NTM: variants seen among roughly 807,000 people sequenced by gnomAD.
NTM encodes neurotrimin, also known as IgLON family member 2.
Under a neutral mutation model 42.1 loss-of-function variants are expected in NTM, and 13 were observed. That is an observed-to-expected ratio of 0.31 (90% confidence interval 0.20 to 0.49). NTM has a LOEUF of 0.49. Among genes scored for constraint, NTM ranks in the 20% least tolerant of loss-of-function variants. The probability of loss-of-function intolerance (pLI) is 0.99; values close to 1 mark genes in which losing one functional copy is unlikely to be tolerated. For missense variants in NTM, 373 were observed against 452.8 expected, an observed-to-expected ratio of 0.82 and a Z score of 1.60; for synonymous variants, 187 against 179.2, an observed-to-expected ratio of 1.04 and a Z score of -0.35.
At chr11:131,636,375 G>A (rs767661821) in intron 1 of NTM, among the ~76,000 whole-genome samples, 1 of 152,068 alleles carries the variant, frequency 6.6e-6, no homozygotes, top group Non-Finnish European at 1.5e-5. Context: ...CAAAATTCAA[G>A]GCTACTCAGG....
At chr11:132,070,057 G>A (rs1466295098) in intron 2 of NTM, among the ~76,000 whole-genome samples, 9 of 134,018 alleles carry the variant, frequency 6.7e-5, no homozygotes, top group African/African-American at 2.0e-4. Flanking sequence ...TAGTTAACAC[G>A]TCACACAGCC....
intron 1 of NTM, among the ~76,000 whole-genome samples, chr11:131,844,255 C>G (rs2044648773): frequency 6.6e-6 from 1 of 152,138 alleles, no homozygotes; most frequent in South Asian, 2.1e-4. Context: ...TTACAGGAAT[C>G]TGCAATGTTG....
chr11:132,272,821 A>T (rs1242806929), intron 4 of NTM, among the ~76,000 whole-genome samples: 1 of 151,986 alleles, frequency 6.6e-6, no homozygotes, highest in East Asian at 1.9e-4. Flanking sequence ...TTGTGAATAG[A>T]TTTACTTCCT....
intron 1 of NTM, among the ~76,000 whole-genome samples, chr11:131,824,880 T>C (rs2041946692): frequency 6.6e-6 from 1 of 152,174 alleles, no homozygotes; most frequent in African/African-American, 2.4e-5. Context: ...GAACTCTAGA[T>C]GCTGGAGGAC....
chr11:132,215,572 C>A, intron 4 of NTM, among the ~76,000 whole-genome samples: 1 of 152,172 alleles, frequency 6.6e-6, no homozygotes, highest in East Asian at 1.9e-4. Context: ...CCCTGTGTAG[C>A]ACTTTATATC....
intron 1 of NTM, among the ~76,000 whole-genome samples, chr11:131,838,783 A>T (rs35961992): frequency 0.059 from 8,988 of 152,124 alleles, 913 homozygotes; most frequent in African/African-American, 0.21. Context: ...AATACAAAAA[A>T]ACATTCCATC....
chr11:131,543,979 C>T (rs529508502), intron 1 of NTM, among the ~76,000 whole-genome samples: 43 of 152,308 alleles, frequency 2.8e-4, no homozygotes, highest in African/African-American at 1.0e-3. Flanking sequence ...CTCGTCTCTT[C>T]CCAGGAAAGA....
chr11:131,404,949 A>T (rs1945646823), intron 1 of NTM, among the ~76,000 whole-genome samples: 1 of 152,230 alleles, frequency 6.6e-6, no homozygotes, highest in African/African-American at 2.4e-5. Context: ...AAATTTGATA[A>T]CAGGGAAGTG....
chr11:131,575,929 G>A (rs7934442), intron 1 of NTM, among the ~76,000 whole-genome samples: 5,639 of 152,242 alleles, frequency 0.037, 347 homozygotes, highest in African/African-American at 0.13. Context: ...GAGCAGAAGT[G>A]CAATGCGTCT....
At chr11:131,466,130 C>T (rs931570439) in intron 1 of NTM, among the ~76,000 whole-genome samples, 1 of 152,190 alleles carries the variant, frequency 6.6e-6, no homozygotes, top group Non-Finnish European at 1.5e-5. Context: ...CCTCTCAGAG[C>T]CTGCCCGACC....
chr11:132,089,000 ACT>A (rs1284599442), intron 2 of NTM, among the ~76,000 whole-genome samples: 1 of 151,926 alleles, frequency 6.6e-6, no homozygotes, highest in Admixed American at 6.6e-5. Context: ...TCCCATTGAA[ACT>A]CTTACAAAAT....
chr11:131,989,607 T>C (rs763842230), intron 2 of NTM, among the ~76,000 whole-genome samples: 4 of 152,144 alleles, frequency 2.6e-5, no homozygotes, highest in Non-Finnish European at 5.9e-5. Context: ...TAAGGGGTTC[T>C]AATGTGTATC....
intron 2 of NTM, among the ~76,000 whole-genome samples, chr11:132,125,636 ATG>A (rs150249918): frequency 0.09 from 127 of 1,404 alleles, 1 homozygote; most frequent in Non-Finnish European, 0.11. Context: ...TGTATGTGGT[ATG>A]TGTGTCATGT....
rs575035830 is a variant in NTM at position 131,388,273 on chromosome 11, T to C, written c.82+17385T>C. Among the ~76,000 whole-genome samples the C allele has an allele frequency of 4.6e-5, 7 of 152,296 alleles. No individual in the cohort carries two copies. The South Asian group carries it at 1.5e-3, about 32-fold the overall frequency. On this transcript the variant is annotated intron_variant, in intron 1 of 8. Coordinates refer to ENST00000683400, the MANE Select transcript of NTM (RefSeq NM_001352005.2). ...CCGTATAAATATGTACATTCACTTA[T>C]CTATGTAAGTACATATAGATTCCCT...
intron 1 of NTM, among the ~76,000 whole-genome samples, chr11:131,479,372 C>A (rs1322399030): frequency 6.6e-6 from 1 of 152,108 alleles, no homozygotes; most frequent in African/African-American, 2.4e-5. Context: ...TGGGAGAGAG[C>A]ATGAGAGGTT....
chr11:131,378,118 T>C (rs879187000), intron 1 of NTM, among the ~76,000 whole-genome samples: 4 of 152,206 alleles, frequency 2.6e-5, no homozygotes, highest in Admixed American at 1.3e-4. Context: ...CACAGACCAA[T>C]TAAATCAGAA....
intron 1 of NTM, among the ~76,000 whole-genome samples, chr11:131,681,913 CGT>C (rs750414079): frequency 1.0e-4 from 15 of 149,678 alleles, no homozygotes; most frequent in Non-Finnish European, 1.9e-4. Context: ...GTGTGTGTGT[CGT>C]GTGTGTGTGT....
chr11:132,222,367 C>T (rs1262945429), intron 4 of NTM, among the ~76,000 whole-genome samples: 1 of 152,150 alleles, frequency 6.6e-6, no homozygotes, highest in Non-Finnish European at 1.5e-5. Flanking sequence ...GTGTCTTGTG[C>T]ATTGATTATT....
intron 2 of NTM, among the ~76,000 whole-genome samples, chr11:132,070,770 G>T (rs1314226524): frequency 1.4e-5 from 2 of 140,768 alleles, no homozygotes; most frequent in African/African-American, 2.6e-5. Context: ...TAGTTAACAC[G>T]TCACTCACCC....
Sources: allele counts gnomAD v4.1 joint callset (sites outside exome capture counted in the v4.1 genomes callset), GRCh38; gene constraint gnomAD v4.1.1; transcripts MANE v1.5; gene names NCBI Gene and HGNC (gene_info 2026-07-23, HGNC 2026-07-21).